JAK1: variants seen among roughly 807,000 people sequenced by gnomAD.
The protein encoded by JAK1 is tyrosine-protein kinase JAK1.
JAK1 carries 16 observed loss-of-function variants against 136.6 expected under a neutral mutation model. That is an observed-to-expected ratio of 0.12 (90% CI 0.08 to 0.18). The LOEUF (loss-of-function observed/expected upper bound fraction) is 0.18, where lower values mean the gene tolerates loss of function less well. Among genes scored for constraint, JAK1 ranks in the 10% least tolerant of loss-of-function variants. JAK1 has a pLI of 1.00. For synonymous variants in JAK1, 492 were observed against 519.5 expected (o/e 0.95, Z 0.72); for missense variants, 859 against 1,450.1 (o/e 0.59, Z 6.62).
intron 1 of JAK1, among the ~76,000 whole-genome samples, chr1:64,908,281 T>C (rs1028356460): frequency 2.0e-5 from 3 of 152,176 alleles, no homozygotes; most frequent in African/African-American, 7.2e-5. Flanking sequence ...TTCTGGTACT[T>C]ACTCTCACGG....
chr1:64,953,995 A>T (rs904351703), intron 1 of JAK1, among the ~76,000 whole-genome samples: 2 of 152,116 alleles, frequency 1.3e-5, no homozygotes, highest in African/African-American at 4.8e-5. Flanking sequence ...TTTATATCTA[A>T]CAATACCAAA....
chr1:64,886,152 A>T, intron 2 of JAK1, 107 bp downstream of exon 2: 1 of 685,370 alleles, frequency 1.5e-6, no homozygotes, highest in South Asian at 1.9e-5. Flanking sequence ...AATTTCAAAA[A>T]ATTAAAGGCA....
rs370368285 is a variant in JAK1 at position 65,027,550 on chromosome 1, G to A, written c.-78+16930C>T. On this transcript the variant is annotated intron_variant, in intron 2 of 25. Coordinates refer to the JAK1 transcript ENST00000671954. The stretch of plus-strand genomic sequence containing the variant: ...GATGGGTTTATAAGTGAAAGCACTG[G>A]GTTGTAATAACTGTGAAAGGCAAAA... Among the ~76,000 whole-genome samples the A allele has an allele frequency of 3.1e-4, 47 of 152,270 alleles. 1 individual carries two copies. The East Asian group carries it at 7.9e-3, about 26-fold the overall frequency.
At chr1:64,841,144 C>T in intron 19 of JAK1, 101 bp downstream of exon 19, 1 of 872,050 alleles carries the variant, frequency 1.1e-6, no homozygotes, top group Non-Finnish European at 1.9e-6. Context: ...GACCTGGCCC[C>T]AGAATGAAAA....
intron 2 of JAK1, among the ~76,000 whole-genome samples, chr1:64,973,342 G>GGGGAA (rs1270608303): frequency 2.7e-5 from 4 of 145,958 alleles, no homozygotes; most frequent in Non-Finnish European, 6.0e-5. Context: ...AGGGAGGGGA[G>GGGGAA]GGGAAGGGAA....
At chr1:64,888,056 G>A (rs766101078) in intron 1 of JAK1, among the ~76,000 whole-genome samples, 6 of 152,114 alleles carry the variant, frequency 3.9e-5, no homozygotes, top group African/African-American at 4.8e-5. Flanking sequence ...CCTCAAACCC[G>A]GAAAGGGTCA....
chr1:64,925,556 G>A (rs537016591), intron 1 of JAK1, among the ~76,000 whole-genome samples: 29 of 152,262 alleles, frequency 1.9e-4, no homozygotes, highest in Middle Eastern at 3.4e-3. Context: ...GCTCCAATGA[G>A]TCCTGCCAAC....
chr1:64,915,430 T>A (rs1425243288), intron 1 of JAK1, among the ~76,000 whole-genome samples: 1 of 151,852 alleles, frequency 6.6e-6, no homozygotes, highest in Non-Finnish European at 1.5e-5. Context: ...ACCACAGAAG[T>A]CTCCAAAGTC....
chr1:64,974,303 C>T (rs924553746), intron 2 of JAK1: 1 of 152,154 alleles, frequency 6.6e-6, no homozygotes, highest in Non-Finnish European at 1.5e-5. Flanking sequence ...CTAACTGCCC[C>T]ACAGATGAGT....
intron 1 of JAK1, among the ~76,000 whole-genome samples, chr1:64,948,247 G>A (rs530931944): frequency 5.9e-5 from 9 of 152,252 alleles, no homozygotes; most frequent in African/African-American, 9.6e-5. Flanking sequence ...ACTGACTCTC[G>A]TATGAACCAA....
intron 2 of JAK1, chr1:64,989,819 G>A (rs374591476): frequency 6.6e-6 from 1 of 152,228 alleles, no homozygotes; most frequent in Non-Finnish European, 1.5e-5. Context: ...CCCAGGGCAA[G>A]ATGCTTGCTC....
In JAK1 at chr1:64,976,358, G is replaced by T. The variant is rs570807956; in HGVS notation, c.-78+68122C>A. Among the ~76,000 whole-genome samples, 6 of 152,206 alleles carry T rather than the reference G, an allele frequency of 3.9e-5. No homozygotes were observed. The South Asian group carries it at 1.0e-3, about 26-fold the overall frequency. On this transcript the variant is annotated intron_variant, in intron 2 of 25. Coordinates refer to the JAK1 transcript ENST00000671954. ...GAGATTTTATGTAGCATCTTTTTTG[G>T]CTACATATTTGCCTCTAAAGAACAC...
rs1434278761 is a variant in JAK1, at chr1:64,883,330, C to A, written c.152G>T (p.Gly51Val). The change falls in exon 3 of 25, where the codon GGC becomes GTC. Residue 51 changes from glycine (G) to valine (V), a missense_variant. This residue lies in a region of JAK1 where 353 missense variants were observed against 494.0 expected (regional missense o/e 0.71). Coordinates refer to ENST00000342505, the MANE Select transcript of JAK1 (RefSeq NM_002227.4). ...YLSDREPLRL[G>V]SGEYTAEELC... ...TTCCTCTGCTGTGTACTCTCCACTGCCCAGCCGGAGGGGCTCCCTGTCCGA... is the reference window on the plus strand; with the variant it reads ...TTCCTCTGCTGTGTACTCTCCACTGACCAGCCGGAGGGGCTCCCTGTCCGA... 2 of 1,614,174 alleles carry A rather than the reference C, an allele frequency of 1.2e-6. No individual in the cohort carries two copies. Among genetic ancestry groups the A allele is most frequent in the Admixed American group, 3.3e-5 (2 of 60,032 alleles).
At chr1:64,870,958 C>G (rs1657038508) in intron 5 of JAK1, among the ~76,000 whole-genome samples, 1 of 152,116 alleles carries the variant, frequency 6.6e-6, no homozygotes, top group Non-Finnish European at 1.5e-5. Flanking sequence ...CCTCAAGTCA[C>G]TTATTCCTGA....
Position 64,902,551 on chromosome 1 carries a change from T to TGAGAGAGAGAGAGAGAGAGA in JAK1, c.-77-16230_-77-16211dup, listed in dbSNP as rs142393341. On this transcript the variant is annotated intron_variant, in intron 1 of 24. Transcript: ENST00000342505. ...CATGGTGCCTTTACTCATGAATTTG[T>TGAGAGAGAGAGAGAGAGAGA]GAGAGAGAGAGAGAGAGAGAGAGAG... Among the ~76,000 whole-genome samples, 28 of 102,406 alleles carry TGAGAGAGAGAGAGAGAGAGA rather than the reference T, an allele frequency of 2.7e-4. 3 individuals are homozygous for TGAGAGAGAGAGAGAGAGAGA. The highest frequency in any genetic ancestry group is 1.2e-3 in the African/African-American group (26 of 21,422). The allele number at this position is 102,406 out of a possible 152,430, so 67.2% of individuals were successfully genotyped here. A position where few individuals can be genotyped will look rare whatever the true frequency, so the allele number is the denominator to read the frequency against.
At chr1:64,841,039 C>T (rs772860576) in intron 19 of JAK1, among the ~76,000 whole-genome samples, 17 of 152,156 alleles carry the variant, frequency 1.1e-4, no homozygotes, top group Non-Finnish European at 2.4e-4. Context: ...CAGGCAGGGA[C>T]GTGCATTCCG....
intron 1 of JAK1, among the ~76,000 whole-genome samples, chr1:64,909,735 G>A (rs1037861758): frequency 6.6e-6 from 1 of 151,988 alleles, no homozygotes; most frequent in Non-Finnish European, 1.5e-5. Context: ...GAAGTGGGAG[G>A]ATCACCTGAG....
chr1:64,916,958 G>T (rs951945825), intron 1 of JAK1, among the ~76,000 whole-genome samples: 2 of 151,942 alleles, frequency 1.3e-5, no homozygotes, highest in African/African-American at 4.8e-5. Context: ...AATTCCTAAA[G>T]AAAAGACAAA....
intron 19 of JAK1, 116 bp from the exon 20 acceptor site, chr1:64,839,911 G>A: frequency 2.5e-6 from 2 of 793,490 alleles, no homozygotes; most frequent in Non-Finnish European, 3.9e-6. Context: ...CTCGCTGTCT[G>A]GCCTTGCAGG....
Sources: gnomAD v4.1 joint callset for allele counts (sites outside exome capture counted in the v4.1 genomes callset) on GRCh38, gnomAD v4.1.1 for gene constraint, gnomAD v4.1.1 regional missense constraint, MANE v1.5 for transcripts, NCBI Gene and HGNC (gene_info 2026-07-23, HGNC 2026-07-21) for gene names.